The following ADARB2 variants were observed in gnomAD, a reference collection of about 807,000 sequenced individuals.
ADARB2 encodes the protein inactive double-stranded RNA-specific editase B2.
ADARB2 carries 25 observed loss-of-function variants against 62.2 expected under a neutral mutation model. The ratio of observed to expected loss-of-function variants is 0.40; its 90% CI spans 0.29 to 0.56. The LOEUF (loss-of-function observed/expected upper bound fraction) is 0.56. Among genes scored for constraint, ADARB2 ranks in the 20% least tolerant of loss-of-function variants. The pLI, the probability that ADARB2 is intolerant of heterozygous loss-of-function variation, is 0.43. For synonymous variants in ADARB2, 572 were observed against 500.8 expected (o/e 1.14, Z -1.90); for missense variants, 1,071 against 1,077.4 (o/e 0.99, Z 0.08).
intron 3 of ADARB2, among the ~76,000 whole-genome samples, chr10:1,338,046 T>C (rs1254159506): frequency 6.6e-6 from 1 of 152,150 alleles, no homozygotes; most frequent in Non-Finnish European, 1.5e-5. Context: ...TTGGAGAAAA[T>C]CATCATGGCT....
intron 3 of ADARB2, among the ~76,000 whole-genome samples, chr10:1,310,478 G>C (rs1831679009): frequency 6.6e-6 from 1 of 152,212 alleles, no homozygotes; most frequent in Non-Finnish European, 1.5e-5. Context: ...GAAGAGATAA[G>C]AATCCATCTA....
At chr10:1,295,551 C>G (rs1459856581) in intron 3 of ADARB2, among the ~76,000 whole-genome samples, 2 of 151,920 alleles carry the variant, frequency 1.3e-5, no homozygotes, top group East Asian at 3.9e-4. Flanking sequence ...GTGCCGCTCT[C>G]TCTGGTGGTG....
At chr10:1,633,612 C>T (rs1833877061) in intron 1 of ADARB2, among the ~76,000 whole-genome samples, 1 of 147,438 alleles carries the variant, frequency 6.8e-6, no homozygotes. Flanking sequence ...ATCTATCTAT[C>T]CCTCTATGTA....
intron 1 of ADARB2, among the ~76,000 whole-genome samples, chr10:1,405,720 T>C (rs145632165): frequency 2.0e-5 from 3 of 151,942 alleles, no homozygotes; most frequent in Non-Finnish European, 2.9e-5. Flanking sequence ...TTGAAGCCTC[T>C]AAGAAGCTGT....
intron 1 of ADARB2, among the ~76,000 whole-genome samples, chr10:1,435,991 G>A (rs1471322221): frequency 6.6e-6 from 1 of 152,202 alleles, no homozygotes; most frequent in Non-Finnish European, 1.5e-5. Flanking sequence ...CTAAACAAAC[G>A]TTAGCTGAGT....
intron 1 of ADARB2, among the ~76,000 whole-genome samples, chr10:1,613,296 CA>C (rs1412412138): frequency 1.3e-5 from 2 of 152,170 alleles, no homozygotes; most frequent in Non-Finnish European, 2.9e-5. Context: ...TGAATGTCTT[CA>C]AACCCATTCC....
At chr10:1,709,027 G>A (rs558682531) in intron 1 of ADARB2, among the ~76,000 whole-genome samples, 4 of 152,282 alleles carry the variant, frequency 2.6e-5, no homozygotes, top group Non-Finnish European at 5.9e-5. Context: ...GGGAGGTCAC[G>A]TCGGGTCCTG....
At chr10:1,640,989 C>A (rs1289751631) in intron 1 of ADARB2, among the ~76,000 whole-genome samples, 1 of 152,108 alleles carries the variant, frequency 6.6e-6, no homozygotes, top group Admixed American at 6.5e-5. Context: ...GTCAGTGAAC[C>A]CATGAAAAGC....
At chr10:1,266,511 T>TGGGGGGGGGG (rs782182369) in intron 4 of ADARB2, among the ~76,000 whole-genome samples, 72 of 128,518 alleles carry the variant, frequency 5.6e-4, no homozygotes, top group Admixed American at 1.0e-3. Context: ...TGGTGGGGGG[T>TGGGGGGGGGG]GGGGGGGGGG....
At chr10:1,725,071 G>A (rs1191196529) in intron 1 of ADARB2, among the ~76,000 whole-genome samples, 1 of 152,198 alleles carries the variant, frequency 6.6e-6, no homozygotes, top group African/African-American at 2.4e-5. Flanking sequence ...GCACTGCACT[G>A]ATTCACACCT....
At chr10:1,285,704 A>C (rs1831406848) in intron 3 of ADARB2, among the ~76,000 whole-genome samples, 1 of 152,236 alleles carries the variant, frequency 6.6e-6, no homozygotes, top group African/African-American at 2.4e-5. Flanking sequence ...TTACCATGGC[A>C]AATTACCAGC....
intron 1 of ADARB2, among the ~76,000 whole-genome samples, chr10:1,689,008 G>T (rs1020811456): frequency 1.3e-5 from 2 of 152,206 alleles, no homozygotes; most frequent in African/African-American, 4.8e-5. Context: ...ACTATCTGAG[G>T]CTGGTGATGC....
intron 1 of ADARB2, among the ~76,000 whole-genome samples, chr10:1,674,764 A>C (rs982479470): frequency 6.6e-6 from 1 of 152,138 alleles, no homozygotes; most frequent in Non-Finnish European, 1.5e-5. Context: ...GAAGTCCAAA[A>C]CCTAAAATAA....
intron 1 of ADARB2, among the ~76,000 whole-genome samples, chr10:1,536,044 A>C (rs528551656): frequency 1.3e-5 from 2 of 152,286 alleles, no homozygotes; most frequent in African/African-American, 4.8e-5. Context: ...CCGGCCCATC[A>C]AGCAGGCCCC....
At chr10:1,545,540 C>G (rs905844812) in intron 1 of ADARB2, among the ~76,000 whole-genome samples, 1 of 152,208 alleles carries the variant, frequency 6.6e-6, no homozygotes, top group African/African-American at 2.4e-5. Flanking sequence ...TGTCTCTTCC[C>G]TGACTTTTTC....
At chr10:1,329,675 C>T (rs887410946) in intron 3 of ADARB2, among the ~76,000 whole-genome samples, 1 of 152,218 alleles carries the variant, frequency 6.6e-6, no homozygotes, top group African/African-American at 2.4e-5. Flanking sequence ...CTGATGGCTG[C>T]TTTTAAGATC....
At chr10:1,673,312 TTATG>T (rs1157098981) in intron 1 of ADARB2, among the ~76,000 whole-genome samples, 4 of 72,282 alleles carry the variant, frequency 5.5e-5, no homozygotes, top group Admixed American at 3.1e-4. Flanking sequence ...AGATTTCATT[TTATG>T]TGTGTGTGTG....
chr10:1,490,353 G>T (rs1456692584), intron 1 of ADARB2, among the ~76,000 whole-genome samples: 1 of 152,170 alleles, frequency 6.6e-6, no homozygotes, highest in African/African-American at 2.4e-5. Context: ...ATATCTGAAA[G>T]CACTTAACTG....
rs187552554 is a variant in ADARB2 at position 1,508,076 on chromosome 10, C to A, written c.101-128916G>T. Among the ~76,000 whole-genome samples, 211 of 152,284 alleles carry A rather than the reference C, an allele frequency of 1.4e-3. 2 individuals are homozygous for A. Among genetic ancestry groups the A allele is most frequent in the Non-Finnish European group, 1.8e-3 (124 of 68,032 alleles). ...GAGATCACACAATTCCCGAGTGGTG[C>A]GTTCATCAGGAAGGTCAAGTGAGGT... On this transcript the variant is annotated intron_variant, in intron 1 of 9. Transcript: ENST00000381312.
Sources: gnomAD v4.1 joint callset for allele counts (sites outside exome capture counted in the v4.1 genomes callset) on GRCh38, gnomAD v4.1.1 for gene constraint, MANE v1.5 for transcripts, NCBI Gene and HGNC (gene_info 2026-07-23, HGNC 2026-07-21) for gene names.